The following PSME4 variants were observed in gnomAD, a reference collection of about 807,000 sequenced individuals.
The protein encoded by PSME4 is proteasome activator complex subunit 4.
A neutral mutation model predicts 253.9 loss-of-function variants in PSME4; 89 were observed. The ratio of observed to expected loss-of-function variants is 0.35; its 90% confidence interval spans 0.30 to 0.42. PSME4 has a LOEUF of 0.42. Among genes scored for constraint, PSME4 ranks in the 10% least tolerant of loss-of-function variants. The probability of loss-of-function intolerance (pLI) is 1.00; values close to 1 mark genes in which losing one functional copy is unlikely to be tolerated. For missense variants in PSME4, 2,014 were observed against 2,195.2 expected, an observed-to-expected ratio of 0.92 and a Z score of 1.65; for synonymous variants, 851 against 759.2, an observed-to-expected ratio of 1.12 and a Z score of -1.99.
chr2:53,875,601 G>T (rs191752691), intron 42 of PSME4, 26 bp downstream of exon 42: 228 of 1,584,890 alleles, frequency 1.4e-4, no homozygotes, highest in Non-Finnish European at 1.8e-4. Flanking sequence ...CTAATCAAAA[G>T]ACATAAATAT....
chr2:53,890,096 T>C lies in PSME4; in HGVS notation c.4296+8A>G, dbSNP rs748002518. ...CAGTTAGACAAAGAAAGATGTAGGG[T>C]AACTTACACAGGATGTTGCTATACA... On this transcript the variant is annotated splice_region_variant and intron_variant, in intron 37 of 46. Transcript: ENST00000404125. The C allele has an allele frequency of 2.5e-6, 4 of 1,592,352 alleles. No homozygotes were observed. The highest frequency in any genetic ancestry group is 3.3e-5 in the Admixed American group (2 of 59,934).
chr2:53,952,247 T>A (rs986311775), intron 1 of PSME4, among the ~76,000 whole-genome samples: 2 of 151,724 alleles, frequency 1.3e-5, no homozygotes, highest in Non-Finnish European at 2.9e-5. Flanking sequence ...ACCACCAGCC[T>A]GGCCAATATG....
chr2:53,910,836 C>T (rs149847897), intron 20 of PSME4, among the ~76,000 whole-genome samples: 30 of 152,242 alleles, frequency 2.0e-4, no homozygotes, highest in Non-Finnish European at 4.4e-4. Context: ...AAATATACCT[C>T]AATTTTCAAT....
intron 20 of PSME4, among the ~76,000 whole-genome samples, chr2:53,916,241 C>CAA (rs10685516): frequency 0.84 from 87,754 of 104,664 alleles, 37,732 homozygotes; most frequent in East Asian, 0.97. Context: ...GACTCTGTCT[C>CAA]AAAAAAAAAA....
chr2:53,970,839 C>G lies in PSME4; in HGVS notation c.-55G>C. The G allele has an allele frequency of 7.3e-7, 1 of 1,373,306 alleles. No individual in the cohort carries two copies. The allele number at this position is 1,373,306 out of a possible 1,614,324, so 85.1% of individuals were successfully genotyped here. ...CCACCCGAACCCTCCCCGGCCCCCA[C>G]CCCTCTCCGGGCTCCGCCTCCTCCG... is the stretch of plus-strand genomic sequence containing the variant. On this transcript the variant is annotated 5_prime_UTR_variant, in exon 1 of 47. Coordinates refer to ENST00000404125, the MANE Select transcript of PSME4 (RefSeq NM_014614.3).
chr2:53,930,312 C>T (rs1668765216), intron 10 of PSME4, among the ~76,000 whole-genome samples: 1 of 152,112 alleles, frequency 6.6e-6, no homozygotes. Flanking sequence ...CTGAAAATAA[C>T]AAAGCAAAGG....
At chr2:53,939,434 T>C (rs541538047) in intron 4 of PSME4, among the ~76,000 whole-genome samples, 2 of 152,260 alleles carry the variant, frequency 1.3e-5, no homozygotes, top group Admixed American at 6.5e-5. Context: ...CATATGAATA[T>C]AGGATAATTG....
intron 13 of PSME4, 65 bp downstream of exon 13, chr2:53,925,894 T>C: frequency 6.7e-7 from 1 of 1,499,508 alleles, no homozygotes. Context: ...TAAACTAAAC[T>C]TTCTGGGATA....
intron 41 of PSME4, among the ~76,000 whole-genome samples, chr2:53,885,232 C>T (rs778439323): frequency 6.6e-6 from 1 of 152,190 alleles, no homozygotes; most frequent in African/African-American, 2.4e-5. Context: ...GTCATTATAT[C>T]ATACCAGAGG....
chr2:53,946,773 G>A (rs907747817), intron 3 of PSME4, among the ~76,000 whole-genome samples: 5 of 152,082 alleles, frequency 3.3e-5, no homozygotes, highest in African/African-American at 1.2e-4. Flanking sequence ...AATTAGCCAG[G>A]CATGGTGGCA....
At chr2:53,963,720 T>C (rs372719521) in intron 1 of PSME4, among the ~76,000 whole-genome samples, 39 of 152,162 alleles carry the variant, frequency 2.6e-4, no homozygotes, top group Admixed American at 1.4e-3. Flanking sequence ...GCAAATGAAA[T>C]GGAAACTCAG....
intron 44 of PSME4, among the ~76,000 whole-genome samples, chr2:53,867,573 G>A (rs1678629218): frequency 6.7e-6 from 1 of 150,286 alleles, no homozygotes; most frequent in Admixed American, 6.6e-5. Context: ...AGAGGCTGAG[G>A]CAGGAGGATC....
intron 13 of PSME4, 30 bp from the exon 14 acceptor site, chr2:53,925,719 G>C (rs768803207): frequency 1.1e-5 from 18 of 1,584,604 alleles, no homozygotes; most frequent in Non-Finnish European, 2.6e-6. Context: ...CATAATTTCA[G>C]CAACTAAAAT....
At chr2:53,941,354 T>C (rs1044965408) in intron 3 of PSME4, among the ~76,000 whole-genome samples, 9 of 150,884 alleles carry the variant, frequency 6.0e-5, no homozygotes, top group African/African-American at 2.2e-4. Context: ...TCTCTGATCA[T>C]GAGAGGGAGG....
At position 53,898,226 on chromosome 2, in the gene PSME4, T is replaced by C. The variant is rs768612439; in HGVS notation, c.3476+75A>G. On this transcript the variant is annotated intron_variant, in intron 30 of 46. Transcript: ENST00000404125. ...TAACTTTTTGTGACATAGTCATTCA[T>C]AGCCTTCCATGTAGAAAACTCCTAT... is the stretch of plus-strand genomic sequence containing the variant. 11 of 1,373,492 alleles carry C rather than the reference T, an allele frequency of 8.0e-6. No homozygotes were observed. In the African/African-American group the frequency reaches 1.0e-4, roughly 13 times the overall value. The allele number at this position is 1,373,492 out of a possible 1,614,324, so 85.1% of individuals were successfully genotyped here.
chr2:53,942,401 GTAAC>G (rs1446483477), intron 3 of PSME4, among the ~76,000 whole-genome samples: 1 of 151,632 alleles, frequency 6.6e-6, no homozygotes, highest in Non-Finnish European at 1.5e-5. Flanking sequence ...GATCTACAGA[GTAAC>G]TAAGCTTTGG....
intron 45 of PSME4, 101 bp from the exon 46 acceptor site, chr2:53,866,324 C>A: frequency 7.8e-7 from 1 of 1,277,234 alleles, no homozygotes; most frequent in East Asian, 2.4e-5. Context: ...GACTTCAGAT[C>A]TCACACAATA....
At chr2:53,966,639 C>T (rs1377382913) in intron 1 of PSME4, among the ~76,000 whole-genome samples, 2 of 151,764 alleles carry the variant, frequency 1.3e-5, no homozygotes, top group South Asian at 2.1e-4. Flanking sequence ...GGTGTTCTAA[C>T]GAGCACCCGC....
chr2:53,958,539 TTAA>T (rs1670338744), intron 1 of PSME4, among the ~76,000 whole-genome samples: 1 of 152,142 alleles, frequency 6.6e-6, no homozygotes, highest in African/African-American at 2.4e-5. Context: ...CACACGAGTC[TTAA>T]TTAAACAGTC....
Sources: allele counts gnomAD v4.1 joint callset (sites outside exome capture counted in the v4.1 genomes callset), GRCh38; gene constraint gnomAD v4.1.1; transcripts MANE v1.5; gene names NCBI Gene and HGNC (gene_info 2026-07-23, HGNC 2026-07-21).